The following MYADM variants were observed in gnomAD, a reference collection of about 807,000 sequenced individuals.
MYADM encodes the protein myeloid-associated differentiation marker.
For missense variants in MYADM, 416 were observed against 443.4 expected (o/e 0.94, Z 0.56); for synonymous variants, 224 against 210.2 (o/e 1.07, Z -0.57).
At position 53,874,154 on chromosome 19, in the gene MYADM, G is replaced by T. The variant is rs533715842; in HGVS notation, c.625G>T (p.Val209Leu). The T allele has an allele frequency of 6.2e-7, 1 of 1,613,766 alleles. No individual in the cohort carries two copies. Among genetic ancestry groups the T allele is most frequent in the South Asian group, 1.1e-5 (1 of 91,088 alleles). ...GCCGGCCCTGGAGTGGTGCGTGGCG[G>T]TGTACGCCATCTGCTTCATCCTAGC... is the stretch of plus-strand genomic sequence containing the variant. ...HQPALEWCVA[V>L]YAICFILAAI... Residue 209 changes from valine (V) to leucine (L), a missense_variant, in exon 3 of 3, where the codon GTG (valine) becomes TTG (leucine). Coordinates refer to ENST00000391770, the MANE Select transcript of MYADM (RefSeq NM_138373.5).
intron 2 of MYADM, among the ~76,000 whole-genome samples, chr19:53,872,321 G>T (rs370090407): frequency 1.3e-5 from 2 of 151,802 alleles, no homozygotes; most frequent in Admixed American, 6.6e-5. Context: ...TCAGTCTCCC[G>T]AGTAGCTGGG....
Position 53,874,159 on chromosome 19 carries a change from C to T in MYADM, c.630C>T (p.Tyr210=), listed in dbSNP as rs985466484. 2 of 1,613,740 alleles carry T rather than the reference C, an allele frequency of 1.2e-6. No homozygotes were observed. Among genetic ancestry groups the T allele is most frequent in the Non-Finnish European group, 1.7e-6 (2 of 1,180,046 alleles). The change falls in exon 3 of 3, where the codon TAC becomes TAT. Residue 210 remains tyrosine (Y), a synonymous_variant. Transcript: ENST00000391770. ...CCCTGGAGTGGTGCGTGGCGGTGTA[C>T]GCCATCTGCTTCATCCTAGCGGCCA... ...QPALEWCVAV[Y]AICFILAAIA...
At chr19:53,871,436 T>G (rs949156428) in intron 2 of MYADM, among the ~76,000 whole-genome samples, 17 of 152,126 alleles carry the variant, frequency 1.1e-4, no homozygotes, top group African/African-American at 4.1e-4. Context: ...CTAGCTTTTT[T>G]GGGTTGCAGT....
chr19:53,873,941 A>G lies in MYADM; in HGVS notation c.412A>G (p.Ile138Val), dbSNP rs1172459712. The G allele has an allele frequency of 1.9e-6, 3 of 1,611,050 alleles. No individual in the cohort carries two copies. The highest frequency in any genetic ancestry group is 2.5e-6 in the Non-Finnish European group (3 of 1,179,994). Residue 138 changes from isoleucine to valine, a missense_variant, in exon 3 of 3, where the codon ATC becomes GTC. By Grantham distance (29) the Ile-to-Val change is conservative. Coordinates refer to ENST00000391770, the MANE Select transcript of MYADM (RefSeq NM_138373.5). The surrounding 1 kb of genome is among the most constrained non-coding windows in gnomAD (Gnocchi z 4.3). ...LSHGRSRDHA[I>V]AATFFSCIAC... ...CCACGGCCGTTCGCGGGACCACGCCATCGCCGCCACCTTCTTCTCCTGCAT... is the reference window on the plus strand; with the variant it reads ...CCACGGCCGTTCGCGGGACCACGCCGTCGCCGCCACCTTCTTCTCCTGCAT...
rs1238867709 is a variant in MYADM, at chr19:53,876,128, G to T, written c.*1630G>T. On this transcript the variant is annotated 3_prime_UTR_variant, in exon 3 of 3. Transcript: ENST00000391770. The stretch of plus-strand genomic sequence containing the variant: ...TGTTCTCTTTTGCCCGTAGGTGGGA[G>T]GGTGGGGATTGCTGCGTCCTAGCTA... The T allele has an allele frequency of 6.0e-6, 1 of 166,994 alleles. No homozygotes were observed. Among genetic ancestry groups the T allele is most frequent in the Admixed American group, 6.6e-5 (1 of 15,260 alleles). The allele number at this position is 166,994 out of a possible 1,614,324, so 10.3% of individuals were successfully genotyped here.
chr19:53,869,127 G>C (rs1164719319), intron 1 of MYADM: 1 of 152,290 alleles, frequency 6.6e-6, no homozygotes, highest in Admixed American at 6.5e-5. Flanking sequence ...GGAGGCCGTG[G>C]GAGGCGTAGC....
At chr19:53,872,087 C>T (rs1002076992) in intron 2 of MYADM, among the ~76,000 whole-genome samples, 3 of 151,778 alleles carry the variant, frequency 2.0e-5, no homozygotes, top group South Asian at 2.1e-4. Context: ...TTAGTAGAGA[C>T]GGGGTTTCAC....
upstream of MYADM, among the ~76,000 whole-genome samples, chr19:53,866,896 T>G (rs1261018217): frequency 6.6e-6 from 1 of 152,138 alleles, no homozygotes; most frequent in Admixed American, 6.5e-5. This position sits in a 1 kb window ranked among gnomAD's most constrained non-coding sequence, Gnocchi z 4.3. Context: ...ACTCCTGGGC[T>G]CAAGGGATCC....
Position 53,873,198 on chromosome 19 carries a change from C to T in MYADM, c.-2-330C>T, listed in dbSNP as rs536226500. Among the ~76,000 whole-genome samples, 28 of 152,220 alleles carry T rather than the reference C, an allele frequency of 1.8e-4. No individual in the cohort carries two copies. The highest frequency in any genetic ancestry group is 6.0e-4 in the African/African-American group (25 of 41,546). On this transcript the variant is annotated intron_variant, in intron 2 of 2. Transcript: ENST00000391770. The surrounding 1 kb of genome is among the most constrained non-coding windows in gnomAD (Gnocchi z 4.3). The stretch of plus-strand genomic sequence containing the variant: ...CATCCTGGCTAACACAGTGAAACCC[C>T]GTCTCTACTAAAAATACAAAAAAAT...
rs1177924458 is a variant in MYADM at position 53,873,874 on chromosome 19, G to C, written c.345G>C (p.Ser115=). Residue 115 remains serine (S), a synonymous_variant, in exon 3 of 3, where the codon TCG becomes TCC. Coordinates refer to ENST00000391770, the MANE Select transcript of MYADM (RefSeq NM_138373.5). This position sits in a 1 kb window ranked among gnomAD's most constrained non-coding sequence, Gnocchi z 4.3. ...FACYAALFCL[S]ASIIYPTTYV... is the part of the protein sequence containing the mutation. ...GCTATGCGGCCCTCTTCTGCCTCTC[G>C]GCCTCCATCATCTACCCCACCACCT... is the stretch of plus-strand genomic sequence containing the variant. The C allele has an allele frequency of 1.2e-6, 2 of 1,613,154 alleles. No homozygotes were observed. Among genetic ancestry groups the C allele is most frequent in the Non-Finnish European group, 1.7e-6 (2 of 1,180,010 alleles).
rs199933526 is a variant in MYADM, at chr19:53,873,612, C to T, written c.83C>T (p.Ser28Phe). ...CTGGGGTCCCCCATGATCGTGGGGT[C>T]CCCTCGGGCCCTGACACAGCCCCTG... ...SGLGSPMIVG[S>F]PRALTQPLGL... The change falls in exon 3 of 3, where the codon TCC becomes TTC. Residue 28 changes from serine to phenylalanine, a missense_variant. Transcript: ENST00000391770. This position sits in a 1 kb window ranked among gnomAD's most constrained non-coding sequence, Gnocchi z 4.3. 67 of 1,614,006 alleles carry T rather than the reference C, an allele frequency of 4.2e-5. No individual in the cohort carries two copies. Among genetic ancestry groups the T allele is most frequent in the Non-Finnish European group, 5.6e-5 (66 of 1,179,998 alleles).
Position 53,873,924 on chromosome 19 carries a change from G to T in MYADM, c.395G>T (p.Arg132Leu), listed in dbSNP as rs375338651. ...TATGTCCAGTTCCTGTCCCACGGCC[G>T]TTCGCGGGACCACGCCATCGCCGCC... Reference protein sequence around the residue: ...TTYVQFLSHGRSRDHAIAATF... With the variant: ...TTYVQFLSHGLSRDHAIAATF... The change falls in exon 3 of 3, where the codon CGT becomes CTT. Residue 132 changes from arginine to leucine, a missense_variant. Arg to Leu is a moderately radical substitution (Grantham distance 102). Coordinates refer to ENST00000391770, the MANE Select transcript of MYADM (RefSeq NM_138373.5). This position sits in a 1 kb window ranked among gnomAD's most constrained non-coding sequence, Gnocchi z 4.3. The T allele has an allele frequency of 6.2e-7, 1 of 1,612,110 alleles. No homozygotes were observed. The highest frequency in any genetic ancestry group is 1.7e-5 in the Admixed American group (1 of 60,026).
At chr19:53,867,042 C>T (rs2068255454), upstream of MYADM, among the ~76,000 whole-genome samples, 1 of 152,154 alleles carries the variant, frequency 6.6e-6, no homozygotes, top group Non-Finnish European at 1.5e-5. Context: ...CCCCCAACTG[C>T]TACCGCGCTA....
intron 2 of MYADM, among the ~76,000 whole-genome samples, chr19:53,870,374 GGCC>G (rs2068356124): frequency 3.4e-5 from 4 of 118,426 alleles, no homozygotes; most frequent in African/African-American, 2.1e-4. Context: ...AGGGGCTGGG[GGCC>G]TGGGCTCCTG....
At position 53,874,260 on chromosome 19, in the gene MYADM, C is replaced by A. The variant is rs779694099; in HGVS notation, c.731C>A (p.Ala244Asp). The part of the protein sequence containing the change: ...IPFPSFLSGL[A>D]LLSVLLYATA... ...TTCCCCAGCTTCCTGTCGGGGCTGG[C>A]CTTGCTGTCTGTCCTCCTCTATGCC... Residue 244 changes from alanine to aspartate, a missense_variant, in exon 3 of 3, where the codon GCC becomes GAC. Ala to Asp is a moderately radical substitution (Grantham distance 126). Coordinates refer to ENST00000391770, the MANE Select transcript of MYADM (RefSeq NM_138373.5). 2 of 1,609,686 alleles carry A rather than the reference C, an allele frequency of 1.2e-6. No homozygotes were observed. Among genetic ancestry groups the A allele is most frequent in the East Asian group, 4.5e-5 (2 of 44,804 alleles).
At chr19:53,871,680 C>T (rs972294436) in intron 2 of MYADM, among the ~76,000 whole-genome samples, 1 of 151,718 alleles carries the variant, frequency 6.6e-6, no homozygotes, top group Non-Finnish European at 1.5e-5. Flanking sequence ...GGAGGTTGGG[C>T]CGTTTAGAGG....
chr19:53,869,931 T>A (rs1366278550), intron 2 of MYADM, 93 bp downstream of exon 2: 1 of 49,698 alleles, frequency 2.0e-5, no homozygotes, highest in East Asian at 5.2e-4. Context: ...GCTGGGGGCC[T>A]GGGCTCCTCG....
At chr19:53,871,604 G>A (rs953302104) in intron 2 of MYADM, among the ~76,000 whole-genome samples, 3 of 152,144 alleles carry the variant, frequency 2.0e-5, no homozygotes, top group Admixed American at 6.5e-5. Context: ...ATCTCTATGA[G>A]AAGATATCCT....
At chr19:53,870,254 A>G (rs1343320637) in intron 2 of MYADM, among the ~76,000 whole-genome samples, 3 of 10,970 alleles carry the variant, frequency 2.7e-4, no homozygotes, top group Admixed American at 1.3e-3. Flanking sequence ...CCGAGGGAGG[A>G]GGGGCTGGGG....
Sources: gnomAD v4.1 joint callset for allele counts (sites outside exome capture counted in the v4.1 genomes callset) on GRCh38, gnomAD v4.1.1 for gene constraint, Gnocchi (gnomAD v3.1) non-coding constraint, MANE v1.5 for transcripts, NCBI Gene and HGNC (gene_info 2026-07-23, HGNC 2026-07-21) for gene names.